Variants in NHERF1 observed in about 807,000 individuals in gnomAD.
NHERF1 encodes the protein NHERF family PDZ scaffold protein 1.
the NHERF1 span, chr17:74,762,223 T>G: frequency 6.5e-7 from 1 of 1,544,604 alleles, no homozygotes; most frequent in Non-Finnish European, 8.8e-7. The surrounding 1 kb of genome is among the most constrained non-coding windows in gnomAD (Gnocchi z 4.2). Flanking sequence ...CCCCTGCAGA[T>G]CAGCAGCACC....
the NHERF1 span, chr17:74,763,546 T>A: frequency 6.4e-7 from 1 of 1,564,320 alleles, no homozygotes; most frequent in Non-Finnish European, 8.7e-7. Flanking sequence ...CCACTGGCCG[T>A]CCTGGGGCTG....
At chr17:74,768,708 A>C in the NHERF1 span, 2 of 1,534,240 alleles carry the variant, frequency 1.3e-6, no homozygotes, top group East Asian at 2.3e-5. Context: ...ATTCCACCCC[A>C]CCTTTTTCCT....
chr17:74,758,532 G>C, the NHERF1 span, among the ~76,000 whole-genome samples: 1 of 152,156 alleles, frequency 6.6e-6, no homozygotes, highest in East Asian at 1.9e-4. The surrounding 1 kb of genome is among the most constrained non-coding windows in gnomAD (Gnocchi z 4.3). Context: ...TCCTCTCTGA[G>C]CAGATCCTGA....
At chr17:74,768,631 A>G in the NHERF1 span, 7 of 1,613,990 alleles carry the variant, frequency 4.3e-6, no homozygotes, top group Non-Finnish European at 5.1e-6. Context: ...TGGAGCAAGA[A>G]AAACGAACTC....
the NHERF1 span, among the ~76,000 whole-genome samples, chr17:74,755,515 T>C: frequency 6.6e-6 from 1 of 152,146 alleles, no homozygotes; most frequent in Non-Finnish European, 1.5e-5. Flanking sequence ...GGACAAGAGT[T>C]ACAGATTCCC....
At chr17:74,761,163 C>T in the NHERF1 span, among the ~76,000 whole-genome samples, 6 of 152,218 alleles carry the variant, frequency 3.9e-5, no homozygotes, top group South Asian at 1.0e-3. The surrounding 1 kb of genome is among the most constrained non-coding windows in gnomAD (Gnocchi z 4.3). Flanking sequence ...TCGAAATCTG[C>T]GTGTGCCCTT....
the NHERF1 span, among the ~76,000 whole-genome samples, chr17:74,766,126 C>T: frequency 6.6e-6 from 1 of 152,094 alleles, no homozygotes; most frequent in Non-Finnish European, 1.5e-5. Context: ...ACCTTGTGAC[C>T]CATCAGTGCC....
the NHERF1 span, chr17:74,768,837 C>T: frequency 1.6e-6 from 1 of 615,022 alleles, no homozygotes; most frequent in East Asian, 2.8e-5. Context: ...GAATGTGTTC[C>T]CGTCCTCCCG....
At chr17:74,768,402 G>T in the NHERF1 span, 45 of 1,571,602 alleles carry the variant, frequency 2.9e-5, no homozygotes, top group Admixed American at 8.3e-5. Context: ...ACCTCACCAA[G>T]GCTGAGGACC....
chr17:74,762,247 A>T, the NHERF1 span: 1 of 1,540,456 alleles, frequency 6.5e-7, no homozygotes, highest in Non-Finnish European at 8.9e-7. The surrounding 1 kb of genome is among the most constrained non-coding windows in gnomAD (Gnocchi z 4.2). Context: ...GGCAGCCATC[A>T]TACCATCATG....
At chr17:74,748,865 G>A in the NHERF1 span, 2 of 1,594,436 alleles carry the variant, frequency 1.3e-6, no homozygotes, top group Non-Finnish European at 1.7e-6. The surrounding 1 kb of genome is among the most constrained non-coding windows in gnomAD (Gnocchi z 4.3). Context: ...GGACGCAGCG[G>A]CCGGGGCGCC....
the NHERF1 span, chr17:74,749,095 C>T: frequency 6.3e-7 from 1 of 1,585,204 alleles, no homozygotes; most frequent in Non-Finnish European, 8.6e-7. This position sits in a 1 kb window ranked among gnomAD's most constrained non-coding sequence, Gnocchi z 5.6. Context: ...GCGCCGCACT[C>T]AACGCCGTGC....
the NHERF1 span, among the ~76,000 whole-genome samples, chr17:74,758,574 C>T: frequency 6.6e-6 from 1 of 152,270 alleles, no homozygotes; most frequent in South Asian, 2.1e-4. This position sits in a 1 kb window ranked among gnomAD's most constrained non-coding sequence, Gnocchi z 4.3. Context: ...CCCAGGCTGT[C>T]GTCGTCACTG....
At chr17:74,758,622 T>C in the NHERF1 span, among the ~76,000 whole-genome samples, 1 of 152,178 alleles carries the variant, frequency 6.6e-6, no homozygotes, top group African/African-American at 2.4e-5. The surrounding 1 kb of genome is among the most constrained non-coding windows in gnomAD (Gnocchi z 4.3). Flanking sequence ...ACTGGGGCTA[T>C]GTTCCTTTTG....
the NHERF1 span, chr17:74,768,832 T>C: frequency 3.2e-6 from 2 of 625,168 alleles, no homozygotes; most frequent in Non-Finnish European, 5.6e-6. Flanking sequence ...AAGGTGAATG[T>C]GTTCCCGTCC....
the NHERF1 span, among the ~76,000 whole-genome samples, chr17:74,758,814 C>T: frequency 6.6e-6 from 1 of 152,162 alleles, no homozygotes; most frequent in Non-Finnish European, 1.5e-5. This position sits in a 1 kb window ranked among gnomAD's most constrained non-coding sequence, Gnocchi z 4.3. Flanking sequence ...TGGCTGAGCT[C>T]GGCCAGGTAC....
chr17:74,768,035 T>C, the NHERF1 span: 1 of 817,206 alleles, frequency 1.2e-6, no homozygotes, highest in Non-Finnish European at 2.2e-6. Context: ...GGCCAGGGCA[T>C]CAGTGCTACC....
the NHERF1 span, chr17:74,749,395 C>A: frequency 8.9e-7 from 1 of 1,125,558 alleles, no homozygotes; most frequent in Non-Finnish European, 1.2e-6. The surrounding 1 kb of genome is among the most constrained non-coding windows in gnomAD (Gnocchi z 5.6). Flanking sequence ...TTTTCTGAAA[C>A]TCGAGCTGCG....
At chr17:74,763,559 GC>G in the NHERF1 span, 1 of 1,556,210 alleles carries the variant, frequency 6.4e-7, no homozygotes, top group Non-Finnish European at 8.7e-7. Flanking sequence ...TGGGGCTGGA[GC>G]CCCCCAAGTC....
Sources: gnomAD v4.1 joint callset for allele counts (sites outside exome capture counted in the v4.1 genomes callset) on GRCh38, gnomAD v4.1.1 for gene constraint, Gnocchi (gnomAD v3.1) non-coding constraint, MANE v1.5 for transcripts, NCBI Gene and HGNC (gene_info 2026-07-23, HGNC 2026-07-21) for gene names.